WASHC3: variants seen among roughly 807,000 people sequenced by gnomAD.
WASHC3 encodes the protein WASH complex subunit 3.
A neutral mutation model predicts 26.1 loss-of-function variants in WASHC3; 24 were observed. The ratio of observed to expected loss-of-function variants is 0.92; its 90% CI spans 0.66 to 1.29. The LOEUF (loss-of-function observed/expected upper bound fraction) is 1.29, where lower values mean the gene tolerates loss of function less well. Ranked by LOEUF, WASHC3 falls within the 50% of genes most tolerant of loss-of-function variation. WASHC3 has a pLI of 0.00. For synonymous variants in WASHC3, 77 were observed against 75.7 expected (o/e 1.02, Z -0.09); for missense variants, 214 against 229.6 (o/e 0.93, Z 0.44).
chr12:102,019,864 A>G (rs540640754), intron 6 of WASHC3, among the ~76,000 whole-genome samples: 8 of 152,236 alleles, frequency 5.3e-5, no homozygotes, highest in Non-Finnish European at 8.8e-5. Context: ...GACGAAGTAT[A>G]TACAAATCTG....
At chr12:102,035,620 C>A (rs1877622279) in intron 5 of WASHC3, among the ~76,000 whole-genome samples, 2 of 152,018 alleles carry the variant, frequency 1.3e-5, no homozygotes, top group South Asian at 4.1e-4. Flanking sequence ...TTATACATAT[C>A]CAGGTAGCAC....
chr12:102,035,811 C>T (rs1565815604), intron 5 of WASHC3, among the ~76,000 whole-genome samples: 1 of 152,100 alleles, frequency 6.6e-6, no homozygotes, highest in Non-Finnish European at 1.5e-5. Flanking sequence ...AATCATAAAA[C>T]AGAGTATTAA....
At chr12:102,057,177 C>T (rs757790317) in intron 2 of WASHC3, among the ~76,000 whole-genome samples, 13 of 152,172 alleles carry the variant, frequency 8.5e-5, no homozygotes, top group Non-Finnish European at 1.8e-4. Flanking sequence ...GTATGATCAT[C>T]TCAATAGATG....
At position 102,025,965 on chromosome 12, in the gene WASHC3, A is replaced by C. The variant is rs1378289867; in HGVS notation, c.500+9T>G. 1.5e-6 allele frequency: 2 copies of C among 1,352,186 alleles called. No individual in the cohort carries two copies. Among genetic ancestry groups the C allele is most frequent in the Non-Finnish European group, 2.1e-6 (2 of 969,044 alleles). The allele number at this position is 1,352,186 out of a possible 1,614,324, so 83.8% of individuals were successfully genotyped here. A position where few individuals can be genotyped will look rare whatever the true frequency, so the allele number is the denominator to read the frequency against. On this transcript the variant is annotated intron_variant, in intron 6 of 6. Transcript: ENST00000240079. Reference sequence around the variant, plus strand: ...GCAATAATATCATTATATTAGAAGAATTACTTACTCAAGAAGATCTGGGTC... The same window carrying C: ...GCAATAATATCATTATATTAGAAGACTTACTTACTCAAGAAGATCTGGGTC...
At chr12:102,025,951 A>AT (rs781099973) in intron 6 of WASHC3, 23 bp downstream of exon 6, 1 of 1,139,536 alleles carries the variant, frequency 8.8e-7, no homozygotes. Context: ...CAATAATATC[A>AT]TTATATTAGA....
At chr12:102,028,663 C>T (rs994694165) in intron 5 of WASHC3, among the ~76,000 whole-genome samples, 2 of 151,392 alleles carry the variant, frequency 1.3e-5, no homozygotes, top group Non-Finnish European at 2.9e-5. Context: ...GGAAGCAATG[C>T]GTGGGAAGGG....
intron 5 of WASHC3, among the ~76,000 whole-genome samples, chr12:102,029,905 A>T: frequency 6.6e-6 from 1 of 152,188 alleles, no homozygotes; most frequent in East Asian, 1.9e-4. Context: ...AAAGGCAGCT[A>T]GTCCCCCAAT....
chr12:102,041,097 G>A (rs1319382031), intron 4 of WASHC3, among the ~76,000 whole-genome samples: 1 of 151,258 alleles, frequency 6.6e-6, no homozygotes, highest in Non-Finnish European at 1.5e-5. Flanking sequence ...TTTTACCAAA[G>A]TGAGTATATA....
chr12:102,027,157 CAATT>C, intron 5 of WASHC3, among the ~76,000 whole-genome samples: 1 of 152,172 alleles, frequency 6.6e-6, no homozygotes. Flanking sequence ...TCTGTCACCT[CAATT>C]ATTTATTATT....
intron 1 of WASHC3, 72 bp from the exon 2 acceptor site, chr12:102,061,418 C>CA: frequency 4.0e-6 from 4 of 992,642 alleles, no homozygotes; most frequent in Non-Finnish European, 6.4e-6. Flanking sequence ...CATATTTGGA[C>CA]ATAATCACGA....
At chr12:102,059,930 T>C (rs1214787041) in intron 2 of WASHC3, 1 of 152,220 alleles carries the variant, frequency 6.6e-6, no homozygotes, top group Non-Finnish European at 1.5e-5. Context: ...GCCATTAACA[T>C]ATAAAACTAA....
chr12:102,016,635 G>A (rs547379330), intron 6 of WASHC3, among the ~76,000 whole-genome samples: 307 of 152,276 alleles, frequency 2.0e-3, no homozygotes, highest in Middle Eastern at 0.01. Context: ...GCAGATTCAT[G>A]CCTGTTATTG....
chr12:102,054,944 C>G (rs1170149967), intron 2 of WASHC3, among the ~76,000 whole-genome samples: 1 of 151,920 alleles, frequency 6.6e-6, no homozygotes, highest in African/African-American at 2.4e-5. Flanking sequence ...GCAGTAAAGA[C>G]CTATAACAAA....
At chr12:102,042,058 C>G (rs891433890) in intron 4 of WASHC3, among the ~76,000 whole-genome samples, 3 of 152,012 alleles carry the variant, frequency 2.0e-5, no homozygotes, top group African/African-American at 7.2e-5. Flanking sequence ...GACAGGTATA[C>G]TTAAAAATCT....
chr12:102,032,407 A>G (rs1046484290), intron 5 of WASHC3, among the ~76,000 whole-genome samples: 2 of 152,316 alleles, frequency 1.3e-5, no homozygotes, highest in Non-Finnish European at 2.9e-5. Flanking sequence ...GCCAGTAAAA[A>G]GGGGAGAATT....
At chr12:102,055,502 C>A (rs897132555) in intron 2 of WASHC3, among the ~76,000 whole-genome samples, 1 of 152,146 alleles carries the variant, frequency 6.6e-6, no homozygotes. Context: ...TGCACCACCA[C>A]GCCCAGTTAA....
At chr12:102,015,573 C>G (rs35463796) in intron 6 of WASHC3, among the ~76,000 whole-genome samples, 17,477 of 152,154 alleles carry the variant, frequency 0.11, 1,081 homozygotes, top group Non-Finnish European at 0.13. Context: ...TCGATAATAT[C>G]TGGCACATAG....
intron 5 of WASHC3, among the ~76,000 whole-genome samples, chr12:102,027,926 T>C (rs1488284742): frequency 1.3e-5 from 2 of 152,144 alleles, no homozygotes; most frequent in East Asian, 1.9e-4. Flanking sequence ...TGAATCAATA[T>C]AAATAGTACC....
At chr12:102,046,224 A>T in intron 2 of WASHC3, 105 bp from the exon 3 acceptor site, 1 of 660,646 alleles carries the variant, frequency 1.5e-6, no homozygotes, top group Non-Finnish European at 2.7e-6. Context: ...TATTTGTCAT[A>T]TTCTAATACA....
Sources: allele counts gnomAD v4.1 joint callset (sites outside exome capture counted in the v4.1 genomes callset), GRCh38; gene constraint gnomAD v4.1.1; transcripts MANE v1.5; gene names NCBI Gene and HGNC (gene_info 2026-07-23, HGNC 2026-07-21).